ADGRL2: variants seen among roughly 807,000 people sequenced by gnomAD.
ADGRL2 encodes calcium-independent alpha-latrotoxin receptor 2.
ADGRL2 carries 44 observed loss-of-function variants against 157.4 expected under a neutral mutation model. That is an observed-to-expected ratio of 0.28 (90% CI 0.22 to 0.36). The LOEUF (loss-of-function observed/expected upper bound fraction) is 0.36, where lower values mean the gene tolerates loss of function less well. ADGRL2 is among the 10% of genes least tolerant of loss of function. The pLI is 1.00. For synonymous variants in ADGRL2, 585 were observed against 624.7 expected (o/e 0.94, Z 0.95); for missense variants, 1,510 against 1,768.9 (o/e 0.85, Z 2.63).
chr1:81,422,996 T>C (rs11163284), intron 1 of ADGRL2, among the ~76,000 whole-genome samples: 69,740 of 152,028 alleles, frequency 0.46, 16,792 homozygotes, highest in Non-Finnish European at 0.54. Flanking sequence ...AGCTACTCAT[T>C]CCATGTGTTT....
At chr1:81,926,691 A>G (rs1242948948) in intron 3 of ADGRL2, among the ~76,000 whole-genome samples, 6 of 151,936 alleles carry the variant, frequency 3.9e-5, no homozygotes, top group Admixed American at 2.0e-4. Flanking sequence ...TTTTATTCCC[A>G]TTTAAATTTT....
Position 81,896,368 on chromosome 1 carries a change from G to A in ADGRL2, c.74-10649G>A, listed in dbSNP as rs75551082. 3.5e-3 allele frequency among the ~76,000 whole-genome samples: 526 copies of A among 152,186 alleles called. 21 individuals carry two copies. The South Asian group carries it at 0.054, about 16-fold the overall frequency. ...TTCCCTGTGAGGGTGGGAGGGGGAC[G>A]GAGACTCTGGAATGATTTTGAACTC... On this transcript the variant is annotated intron_variant, in intron 2 of 23. Coordinates refer to ENST00000686636, the MANE Select transcript of ADGRL2 (RefSeq NM_001366006.2).
chr1:81,532,498 A>T (rs1443284711), intron 2 of ADGRL2, among the ~76,000 whole-genome samples: 1 of 151,972 alleles, frequency 6.6e-6, no homozygotes, highest in Non-Finnish European at 1.5e-5. Context: ...TGAGCTGCAG[A>T]GATTACTGTT....
rs535879554 is a variant in ADGRL2, at chr1:81,612,628, G to A, written c.-143+31648G>A. Among the ~76,000 whole-genome samples, 3 of 151,760 alleles carry A rather than the reference G, an allele frequency of 2.0e-5. No individual in the cohort carries two copies. The East Asian group carries it at 5.8e-4, about 29-fold the overall frequency. ...GAATTTGTTGGCAATTGTTTGTTGT[G>A]GAACCCTATGGATATAGTATGCCTA... is the stretch of plus-strand genomic sequence containing the variant. On this transcript the variant is annotated intron_variant, in intron 3 of 24. Coordinates refer to the ADGRL2 transcript ENST00000370721.
At chr1:81,771,795 G>GA (rs1318295779) in intron 2 of ADGRL2, among the ~76,000 whole-genome samples, 4 of 151,130 alleles carry the variant, frequency 2.6e-5, no homozygotes, top group Middle Eastern at 3.4e-3. Context: ...AAACACACTG[G>GA]AAAAAAAAGG....
rs184017572 is a variant in ADGRL2 at position 81,794,826 on chromosome 1, G to T, written c.-101+32974G>T. On this transcript the variant is annotated intron_variant, in intron 2 of 20. Transcript: ENST00000359929. ...CTTTTATTAAGAAACTATGTTGATG[G>T]GAATTAGGTTTATAACACATTATTT... is the stretch of plus-strand genomic sequence containing the variant. Among the ~76,000 whole-genome samples, 467 of 152,248 alleles carry T rather than the reference G, an allele frequency of 3.1e-3. 6 individuals carry two copies. The highest frequency in any genetic ancestry group is 0.011 in the African/African-American group (449 of 41,544).
chr1:81,951,946 T>A lies in ADGRL2; in HGVS notation c.1609-11T>A. The A allele has an allele frequency of 6.3e-7, 1 of 1,587,582 alleles. No homozygotes were observed. Among genetic ancestry groups the A allele is most frequent in the Non-Finnish European group, 8.6e-7 (1 of 1,168,158 alleles). ...AAAATTTAAATGAGATAATACAAATTGTTTTTTCAGATCAGAAGCGGAGAA... is the reference window on the plus strand; with the variant it reads ...AAAATTTAAATGAGATAATACAAATAGTTTTTTCAGATCAGAAGCGGAGAA... On this transcript the variant is annotated splice_polypyrimidine_tract_variant and intron_variant, in intron 8 of 23. Transcript: ENST00000686636.
intron 3 of ADGRL2, among the ~76,000 whole-genome samples, chr1:81,620,647 A>G (rs2081769608): frequency 1.3e-5 from 2 of 152,326 alleles, no homozygotes; most frequent in South Asian, 2.1e-4. Context: ...TAAGTTATAT[A>G]ACTGTGATAT....
intron 3 of ADGRL2, among the ~76,000 whole-genome samples, chr1:81,910,021 C>T (rs1421137172): frequency 1.3e-5 from 2 of 151,930 alleles, no homozygotes; most frequent in Middle Eastern, 3.2e-3. Context: ...AGGTGGATCA[C>T]CTGAGTTCAG....
chr1:81,383,739 C>T (rs1570789164), intron 1 of ADGRL2, among the ~76,000 whole-genome samples: 1 of 137,186 alleles, frequency 7.3e-6, no homozygotes. Flanking sequence ...CCAAGGTGGG[C>T]AGATCACAAG....
At chr1:81,390,203 T>G (rs2076510264) in intron 1 of ADGRL2, among the ~76,000 whole-genome samples, 1 of 152,302 alleles carries the variant, frequency 6.6e-6, no homozygotes, top group Non-Finnish European at 1.5e-5. Context: ...TCTTATAATA[T>G]TAATATTTTA....
chr1:81,671,220 C>T (rs1259872048), intron 3 of ADGRL2, among the ~76,000 whole-genome samples: 1 of 152,140 alleles, frequency 6.6e-6, no homozygotes, highest in African/African-American at 2.4e-5. Flanking sequence ...AGAACTGAGC[C>T]AGAGAAGAGG....
At position 81,427,388 on chromosome 1, in the gene ADGRL2, T is replaced by C. The variant is rs118174503; in HGVS notation, c.-301-17648T>C. 9.6e-5 allele frequency: 71 copies of C among 739,774 alleles called. No homozygotes were observed. In the East Asian group the frequency reaches 1.7e-3, roughly 18 times the overall value. The allele number at this position is 739,774 out of a possible 1,614,324, so 45.8% of individuals were successfully genotyped here. The stretch of plus-strand genomic sequence containing the variant: ...AGGATATGGAAACCAAGGTGGTAGA[T>C]ATGGTGGTGGTGGTGGAGGATATGA... On this transcript the variant is annotated intron_variant, in intron 1 of 24. Coordinates refer to the ADGRL2 transcript ENST00000370721.
At chr1:81,964,415 A>G (rs1656438293) in intron 11 of ADGRL2, among the ~76,000 whole-genome samples, 1 of 152,106 alleles carries the variant, frequency 6.6e-6, no homozygotes, top group Admixed American at 6.5e-5. Flanking sequence ...AGAACAGTTC[A>G]TCCATCTACC....
chr1:81,681,864 A>G (rs774503608), intron 3 of ADGRL2, among the ~76,000 whole-genome samples: 5 of 152,148 alleles, frequency 3.3e-5, no homozygotes, highest in African/African-American at 2.4e-5. Context: ...TCTTTAACAG[A>G]ATAGTCTGGA....
chr1:81,910,664 C>G (rs1446842922), intron 3 of ADGRL2, among the ~76,000 whole-genome samples: 1 of 148,622 alleles, frequency 6.7e-6, no homozygotes, highest in Non-Finnish European at 1.5e-5. Flanking sequence ...CTCCGGGCAT[C>G]TTTATTAGAA....
At position 81,531,769 on chromosome 1, in the gene ADGRL2, A is replaced by T. The variant is rs1340446593; in HGVS notation, c.-247-49107A>T. On this transcript the variant is annotated intron_variant, in intron 2 of 24. Transcript: ENST00000370721. Reference sequence around the variant, plus strand: ...AGGGCTAGGATCGTGTCTAGAATGAAGGGCCTATATTAGTTATTGGCTGGA... The same window carrying T: ...AGGGCTAGGATCGTGTCTAGAATGATGGGCCTATATTAGTTATTGGCTGGA... Among the ~76,000 whole-genome samples, 3 of 152,306 alleles carry T rather than the reference A, an allele frequency of 2.0e-5. No individual in the cohort carries two copies. The East Asian group carries it at 5.8e-4, about 29-fold the overall frequency.
At chr1:81,329,567 G>T (rs10493689) in intron 1 of ADGRL2, among the ~76,000 whole-genome samples, 18,836 of 152,114 alleles carry the variant, frequency 0.12, 1,735 homozygotes, top group African/African-American at 0.26. Context: ...AGCTAAACGG[G>T]TATTCTGTTA....
rs145670261 is a variant in ADGRL2, at chr1:81,556,312, A to ATTTTTTT, written c.-247-24546_-247-24540dup. The stretch of plus-strand genomic sequence containing the variant: ...ATCCCCCGATTCTCAGGCTGTCACA[A>ATTTTTTT]TTTTTTTTTTTTTTTTTTTTTTTTG... On this transcript the variant is annotated intron_variant, in intron 2 of 24. Coordinates refer to the ADGRL2 transcript ENST00000370721. Among the ~76,000 whole-genome samples the ATTTTTTT allele has an allele frequency of 5.5e-3, 475 of 87,122 alleles. 22 individuals carry two copies. Among genetic ancestry groups the ATTTTTTT allele is most frequent in the East Asian group, 7.0e-3 (19 of 2,714 alleles). The allele number at this position is 87,122 out of a possible 152,430, so 57.2% of individuals were successfully genotyped here.
Sources: allele counts gnomAD v4.1 joint callset (sites outside exome capture counted in the v4.1 genomes callset), GRCh38; gene constraint gnomAD v4.1.1; transcripts MANE v1.5; gene names NCBI Gene and HGNC (gene_info 2026-07-23, HGNC 2026-07-21).